The following EPHA6 variants were observed in gnomAD, a reference collection of about 807,000 sequenced individuals.
The protein encoded by EPHA6 is EPH receptor A6.
In EPHA6, 50 loss-of-function variants were observed where a neutral mutation model predicts 112.0. The observed-to-expected ratio is 0.45, with a 90% confidence interval of 0.36 to 0.56. EPHA6 has a LOEUF of 0.56. Ranked by LOEUF, EPHA6 falls within the 20% of genes least tolerant of loss-of-function variation. EPHA6 has a pLI of 0.00. For missense variants in EPHA6, 1,280 were observed against 1,417.4 expected (o/e 0.90, Z 1.56); for synonymous variants, 529 against 490.7 (o/e 1.08, Z -1.03).
chr3:97,202,515 T>C (rs76939544), intron 3 of EPHA6, among the ~76,000 whole-genome samples: 9,074 of 152,004 alleles, frequency 0.06, 659 homozygotes, highest in Admixed American at 0.2. Flanking sequence ...TGTATTTTTA[T>C]TGGAGACAGG....
intron 14 of EPHA6, chr3:97,648,494 G>A (rs1405037189): frequency 3.2e-5 from 41 of 1,293,436 alleles, no homozygotes; most frequent in Admixed American, 4.0e-5. Context: ...TTTGTGAATT[G>A]GCTTGACTTT....
At chr3:97,615,627 G>T (rs2093759263) in intron 13 of EPHA6, among the ~76,000 whole-genome samples, 1 of 152,178 alleles carries the variant, frequency 6.6e-6, no homozygotes, top group South Asian at 2.1e-4. Flanking sequence ...GGACAACTTA[G>T]CCATTTCAGT....
intron 5 of EPHA6, among the ~76,000 whole-genome samples, chr3:97,380,615 A>G (rs928386854): frequency 1.3e-5 from 2 of 152,304 alleles, no homozygotes; most frequent in South Asian, 4.1e-4. Flanking sequence ...TTTACTCTTA[A>G]AGGAAAAAGG....
chr3:97,272,927 A>G (rs2079939311), intron 5 of EPHA6, among the ~76,000 whole-genome samples: 1 of 151,942 alleles, frequency 6.6e-6, no homozygotes, highest in Non-Finnish European at 1.5e-5. Context: ...GACGGCAAAA[A>G]TTTTGGGGGG....
chr3:96,830,927 A>G (rs2034030295), intron 1 of EPHA6, among the ~76,000 whole-genome samples: 1 of 152,064 alleles, frequency 6.6e-6, no homozygotes, highest in African/African-American at 2.4e-5. Context: ...TAACTATGGA[A>G]GGTAATGCAT....
rs187671767 is a variant in EPHA6 at position 97,442,666 on chromosome 3, T to C, written c.1732-5902T>C. Among the ~76,000 whole-genome samples the C allele has an allele frequency of 6.1e-3, 928 of 152,278 alleles. 12 individuals are homozygous for C. The highest frequency in any genetic ancestry group is 0.021 in the African/African-American group (857 of 41,576). The stretch of plus-strand genomic sequence containing the variant: ...TTTCCAAGAACAAATATATTTATGT[T>C]TGCCCCTACAGAGCTTGAGAATCCA... On this transcript the variant is annotated intron_variant, in intron 6 of 17. Coordinates refer to ENST00000389672, the MANE Select transcript of EPHA6 (RefSeq NM_001080448.3).
chr3:97,402,364 C>T (rs1342709901), intron 5 of EPHA6, among the ~76,000 whole-genome samples: 2 of 151,912 alleles, frequency 1.3e-5, no homozygotes, highest in Non-Finnish European at 2.9e-5. Context: ...ATTGTTACAT[C>T]CTCTTGCTAA....
chr3:97,221,642 C>T (rs1041033011), intron 3 of EPHA6, among the ~76,000 whole-genome samples: 1 of 152,166 alleles, frequency 6.6e-6, no homozygotes. Context: ...CCTAAGACCA[C>T]TAATTGAATA....
intron 3 of EPHA6, among the ~76,000 whole-genome samples, chr3:97,174,505 C>T (rs1439059665): frequency 6.6e-6 from 1 of 151,976 alleles, no homozygotes; most frequent in East Asian, 1.9e-4. Flanking sequence ...CACTAATTTA[C>T]ATTCCCACAC....
intron 3 of EPHA6, among the ~76,000 whole-genome samples, chr3:97,213,551 G>C (rs2077939236): frequency 1.3e-5 from 2 of 152,088 alleles, no homozygotes; most frequent in Admixed American, 6.6e-5. Flanking sequence ...GCTTGTCCTG[G>C]AGCTGTCTAT....
chr3:96,892,423 G>T (rs755341173), intron 2 of EPHA6, among the ~76,000 whole-genome samples: 1 of 151,870 alleles, frequency 6.6e-6, no homozygotes, highest in South Asian at 2.1e-4. Flanking sequence ...GAGTTTCGCC[G>T]TATTGGCCAG....
intron 10 of EPHA6, among the ~76,000 whole-genome samples, chr3:97,493,582 A>G (rs1383287463): frequency 1.3e-5 from 2 of 149,316 alleles, no homozygotes; most frequent in African/African-American, 2.5e-5. Context: ...ATTGAGTTAG[A>G]GTATCAATGT....
At chr3:97,204,114 T>G (rs2077651952) in intron 3 of EPHA6, among the ~76,000 whole-genome samples, 1 of 152,116 alleles carries the variant, frequency 6.6e-6, no homozygotes, top group South Asian at 2.1e-4. Flanking sequence ...GTTAAGAACT[T>G]AGAAAAGAGT....
intron 3 of EPHA6, among the ~76,000 whole-genome samples, chr3:97,120,996 A>G (rs1353012264): frequency 1.3e-5 from 2 of 151,990 alleles, no homozygotes; most frequent in Non-Finnish European, 2.9e-5. Flanking sequence ...CAGAAATGTT[A>G]CGTTCCTGCC....
At chr3:97,557,450 G>T (rs544005501) in intron 11 of EPHA6, among the ~76,000 whole-genome samples, 49 of 151,874 alleles carry the variant, frequency 3.2e-4, no homozygotes, top group African/African-American at 1.2e-3. Context: ...CTGGGATATA[G>T]AACCTATTAT....
intron 14 of EPHA6, among the ~76,000 whole-genome samples, chr3:97,709,458 G>C (rs2033852916): frequency 6.6e-6 from 1 of 152,264 alleles, no homozygotes; most frequent in African/African-American, 2.4e-5. Flanking sequence ...TATCTTGGAA[G>C]TAACTAGCTT....
At chr3:97,186,564 G>A (rs1052793052) in intron 3 of EPHA6, among the ~76,000 whole-genome samples, 1 of 152,070 alleles carries the variant, frequency 6.6e-6, no homozygotes, top group Non-Finnish European at 1.5e-5. Context: ...TTTACTGGGT[G>A]CCAAACGTAT....
In EPHA6 at chr3:97,208,483, T is replaced by A. The variant is rs376060326; in HGVS notation, c.1115-17781T>A. Among the ~76,000 whole-genome samples, 480 of 152,272 alleles carry A rather than the reference T, an allele frequency of 3.2e-3. 1 individual carries two copies. The highest frequency in any genetic ancestry group is 0.011 in the African/African-American group (443 of 41,576). The stretch of plus-strand genomic sequence containing the variant: ...GCCGCAGGCTGGGTGCAGTAGCTCA[T>A]GCCTGTAATCCTAGCACTTTGGAAG... On this transcript the variant is annotated intron_variant, in intron 3 of 17. Coordinates refer to ENST00000389672, the MANE Select transcript of EPHA6 (RefSeq NM_001080448.3).
At chr3:97,330,783 A>G (rs2082756584) in intron 5 of EPHA6, among the ~76,000 whole-genome samples, 1 of 152,128 alleles carries the variant, frequency 6.6e-6, no homozygotes, top group Non-Finnish European at 1.5e-5. Flanking sequence ...TTAGACTCCC[A>G]AAGAATAATA....
Sources: gnomAD v4.1 joint callset for allele counts (sites outside exome capture counted in the v4.1 genomes callset) on GRCh38, gnomAD v4.1.1 for gene constraint, MANE v1.5 for transcripts, NCBI Gene and HGNC (gene_info 2026-07-23, HGNC 2026-07-21) for gene names.